The following ELMO1 variants were observed in gnomAD, a reference collection of about 807,000 sequenced individuals.
The protein encoded by ELMO1 is engulfment and cell motility protein 1.
In ELMO1, 26 loss-of-function variants were observed where a neutral mutation model predicts 98.9. The observed-to-expected ratio is 0.26, with a 90% CI of 0.19 to 0.36. The LOEUF (loss-of-function observed/expected upper bound fraction) is 0.36, where lower values mean the gene tolerates loss of function less well. Ranked by LOEUF, ELMO1 falls within the 10% of genes least tolerant of loss-of-function variation. ELMO1 has a pLI of 1.00. For synonymous variants in ELMO1, 346 were observed against 346.0 expected (o/e 1.00, Z 0.00); for missense variants, 627 against 935.2 (o/e 0.67, Z 4.30).
intron 15 of ELMO1, among the ~76,000 whole-genome samples, chr7:37,092,577 G>A (rs1020164090): frequency 1.2e-4 from 18 of 148,172 alleles, no homozygotes; most frequent in South Asian, 1.1e-3. Context: ...GGGTTTCACC[G>A]TGTTAGACAG....
intron 13 of ELMO1, among the ~76,000 whole-genome samples, chr7:37,138,585 A>C (rs1787415949): frequency 6.6e-6 from 1 of 152,152 alleles, no homozygotes; most frequent in Non-Finnish European, 1.5e-5. Context: ...TAATAAAGAA[A>C]ATTTCCAACC....
intron 16 of ELMO1, among the ~76,000 whole-genome samples, chr7:36,987,223 T>C (rs1791574582): frequency 6.6e-6 from 1 of 151,998 alleles, no homozygotes; most frequent in Non-Finnish European, 1.5e-5. Context: ...CTCCCCTGCT[T>C]GCTCCAAATT....
intron 14 of ELMO1, among the ~76,000 whole-genome samples, chr7:37,123,607 T>C (rs1344192258): frequency 6.6e-6 from 1 of 152,212 alleles, no homozygotes. Flanking sequence ...AATCTCTGAA[T>C]AGACCAATAA....
chr7:37,444,882 G>T (rs1176735142), intron 1 of ELMO1, among the ~76,000 whole-genome samples: 1 of 152,206 alleles, frequency 6.6e-6, no homozygotes, highest in Non-Finnish European at 1.5e-5. Flanking sequence ...TTTGGAAATA[G>T]CATCTCCTGC....
At chr7:36,992,210 T>G (rs558784811) in intron 16 of ELMO1, among the ~76,000 whole-genome samples, 1 of 152,332 alleles carries the variant, frequency 6.6e-6, no homozygotes, top group Admixed American at 6.5e-5. Context: ...ATGCATTTCT[T>G]CCTGCCTCTT....
chr7:36,898,734 C>T lies in ELMO1; in HGVS notation c.1438-3717G>A, dbSNP rs375535698. ...CATCCTGCCTTTAACCCACAACCTT[C>T]ATCCAGCATCATTTATCCATTTCTT... On this transcript the variant is annotated intron_variant, in intron 16 of 21. Coordinates refer to ENST00000310758, the MANE Select transcript of ELMO1 (RefSeq NM_014800.11). Among the ~76,000 whole-genome samples the T allele has an allele frequency of 5.3e-5, 8 of 152,238 alleles. No individual in the cohort carries two copies. In the East Asian group the frequency reaches 1.5e-3, roughly 29 times the overall value.
intron 15 of ELMO1, among the ~76,000 whole-genome samples, chr7:37,034,580 GTTGA>G (rs1795073888): frequency 6.6e-6 from 1 of 152,104 alleles, no homozygotes; most frequent in African/African-American, 2.4e-5. Flanking sequence ...AGCAAAAACA[GTTGA>G]TTAATACATA....
At chr7:37,182,218 T>C (rs1316109265) in intron 13 of ELMO1, among the ~76,000 whole-genome samples, 2 of 152,100 alleles carry the variant, frequency 1.3e-5, no homozygotes, top group Non-Finnish European at 2.9e-5. Flanking sequence ...CAGTGAAAAC[T>C]AGAGCTTCAC....
intron 13 of ELMO1, among the ~76,000 whole-genome samples, chr7:37,196,808 C>G (rs1563071406): frequency 6.6e-6 from 1 of 152,178 alleles, no homozygotes; most frequent in East Asian, 1.9e-4. Flanking sequence ...TTATTCGTCT[C>G]TAAAATAGAC....
intron 16 of ELMO1, among the ~76,000 whole-genome samples, chr7:36,975,050 T>C (rs1293379522): frequency 6.6e-6 from 1 of 152,180 alleles, no homozygotes; most frequent in Admixed American, 6.5e-5. Context: ...ACTGCGAAGG[T>C]CCACGGCTTC....
At chr7:36,959,354 C>T (rs547152429) in intron 16 of ELMO1, among the ~76,000 whole-genome samples, 2 of 152,242 alleles carry the variant, frequency 1.3e-5, no homozygotes, top group East Asian at 3.9e-4. Context: ...CCAGTGGTTC[C>T]CTGCCTCACT....
chr7:37,195,794 C>A (rs1052348246), intron 13 of ELMO1, among the ~76,000 whole-genome samples: 1 of 152,352 alleles, frequency 6.6e-6, no homozygotes, highest in Admixed American at 6.5e-5. Context: ...ATTTTCCAGC[C>A]CTTTCCCTTT....
At chr7:37,088,970 T>A (rs1289508826) in intron 15 of ELMO1, among the ~76,000 whole-genome samples, 1 of 152,144 alleles carries the variant, frequency 6.6e-6, no homozygotes, top group African/African-American at 2.4e-5. Flanking sequence ...CCACTTTGCA[T>A]AAGCAAGAGT....
chr7:36,936,278 A>G (rs1308371042), intron 16 of ELMO1, among the ~76,000 whole-genome samples: 1 of 151,970 alleles, frequency 6.6e-6, no homozygotes, highest in Non-Finnish European at 1.5e-5. Context: ...TGGTGTGCAA[A>G]TGTCCCTCAC....
chr7:37,248,881 G>T (rs533001617), intron 6 of ELMO1, among the ~76,000 whole-genome samples: 1 of 152,378 alleles, frequency 6.6e-6, no homozygotes, highest in East Asian at 1.9e-4. Flanking sequence ...GTCCTTGGAG[G>T]TTAACAAAGT....
At chr7:36,944,474 A>C (rs1301863245) in intron 16 of ELMO1, among the ~76,000 whole-genome samples, 1 of 152,080 alleles carries the variant, frequency 6.6e-6, no homozygotes, top group Non-Finnish European at 1.5e-5. Flanking sequence ...TACTCCTGGG[A>C]CCTCCCGTAT....
chr7:37,201,766 T>C (rs1022731631), intron 13 of ELMO1, among the ~76,000 whole-genome samples: 4 of 152,358 alleles, frequency 2.6e-5, no homozygotes, highest in Admixed American at 2.6e-4. Flanking sequence ...GTTTGCGCCA[T>C]CTGGTGGCTA....
intron 17 of ELMO1, among the ~76,000 whole-genome samples, chr7:36,888,470 T>C (rs564764912): frequency 3.9e-5 from 6 of 152,286 alleles, no homozygotes; most frequent in East Asian, 1.9e-4. Flanking sequence ...CCATTCCTCA[T>C]AGCAGTGTAA....
chr7:37,388,976 A>G (rs1008404983), intron 1 of ELMO1, among the ~76,000 whole-genome samples: 1 of 152,220 alleles, frequency 6.6e-6, no homozygotes, highest in African/African-American at 2.4e-5. Flanking sequence ...ATGTTTTTGA[A>G]GCAGAACTTC....
Sources: gnomAD v4.1 joint callset for allele counts (sites outside exome capture counted in the v4.1 genomes callset) on GRCh38, gnomAD v4.1.1 for gene constraint, MANE v1.5 for transcripts, NCBI Gene and HGNC (gene_info 2026-07-23, HGNC 2026-07-21) for gene names.